Variants in EFHD1 observed in about 807,000 individuals in gnomAD.
EFHD1 encodes the protein EF-hand domain-containing protein D1.
EFHD1 carries 10 observed loss-of-function variants against 17.2 expected under a neutral mutation model. The observed-to-expected ratio is 0.58, with a 90% CI of 0.36 to 0.99. The LOEUF (loss-of-function observed/expected upper bound fraction) is 0.99, where lower values mean the gene tolerates loss of function less well. Ranked by LOEUF, EFHD1 falls within the 50% of genes least tolerant of loss-of-function variation. EFHD1 has a pLI of 0.01. For synonymous variants in EFHD1, 153 were observed against 142.0 expected, an observed-to-expected ratio of 1.08 and a Z score of -0.55; for missense variants, 310 against 327.5, an observed-to-expected ratio of 0.95 and a Z score of 0.41.
intron 1 of EFHD1, among the ~76,000 whole-genome samples, chr2:232,649,262 G>C (rs957807287): frequency 6.6e-6 from 1 of 152,192 alleles, no homozygotes; most frequent in Non-Finnish European, 1.5e-5. Context: ...TGGCGGATCT[G>C]GGGGCTTTCC....
intron 1 of EFHD1, chr2:232,638,485 G>A (rs1029438571): frequency 7.9e-5 from 37 of 470,804 alleles, no homozygotes; most frequent in Non-Finnish European, 1.5e-4. Flanking sequence ...ACCCAAAAAG[G>A]TGAGGCTGTC....
At position 232,643,829 on chromosome 2, in the gene EFHD1, C is replaced by T. The variant is rs115131697; in HGVS notation, c.302+9823C>T. On this transcript the variant is annotated intron_variant, in intron 1 of 3. Coordinates refer to ENST00000264059, the MANE Select transcript of EFHD1 (RefSeq NM_025202.4). ...CTCCTGAGTAGCTGGGATTATAGGG[C>T]GTGCTACCACGCCCAGCTCATCTGT... is the stretch of plus-strand genomic sequence containing the variant. 7.7e-3 allele frequency among the ~76,000 whole-genome samples: 1,171 copies of T among 152,180 alleles called. 16 individuals carry two copies. Among genetic ancestry groups the T allele is most frequent in the African/African-American group, 0.027 (1,126 of 41,524 alleles).
At chr2:232,613,807 TAC>T (rs201219253) in intron 1 of EFHD1, among the ~76,000 whole-genome samples, 3,834 of 125,720 alleles carry the variant, frequency 0.03, 162 homozygotes, top group African/African-American at 0.11. Flanking sequence ...CACAAAAATA[TAC>T]ACACATATAC....
At chr2:232,618,485 G>A (rs1337305186) in intron 1 of EFHD1, among the ~76,000 whole-genome samples, 1 of 152,044 alleles carries the variant, frequency 6.6e-6, no homozygotes, top group Admixed American at 6.6e-5. Flanking sequence ...AACTTTGGGA[G>A]GCCAAGGCAG....
At position 232,681,679 on chromosome 2, in the gene EFHD1, A is replaced by G. The variant is rs777000080; in HGVS notation, c.680A>G (p.Gln227Arg). The change falls in exon 4 of 4, where the codon CAG becomes CGG. Residue 227 changes from glutamine to arginine, a missense_variant. Physicochemically the swap from Gln to Arg is conservative, Grantham distance 43. Transcript: ENST00000264059. Reference protein sequence around the residue: ...KREEEERRLRQAAFQKLKANF... With the variant: ...KREEEERRLRRAAFQKLKANF... ...GAGGAGGAGGAGAGGCGGCTCCGCC[A>G]GGCAGCCTTCCAGAAACTCAAGGCC... The G allele has an allele frequency of 1.2e-4, 193 of 1,614,132 alleles. 3 individuals are homozygous for G. The Admixed American group carries it at 3.1e-3, about 26-fold the overall frequency.
At chr2:232,609,054 CTTTTTTTTTTT>C (rs1244427931) in intron 1 of EFHD1, among the ~76,000 whole-genome samples, 7 of 82,264 alleles carry the variant, frequency 8.5e-5, no homozygotes, top group African/African-American at 3.1e-4. Context: ...TGCATAAGTT[CTTTTTTTTTTT>C]TTTTTTTTTT....
At chr2:232,614,284 A>G (rs1214045490) in intron 1 of EFHD1, among the ~76,000 whole-genome samples, 1 of 152,070 alleles carries the variant, frequency 6.6e-6, no homozygotes, top group Non-Finnish European at 1.5e-5. Context: ...TTTTTTCAGT[A>G]AAAGTGACCC....
intron 1 of EFHD1, among the ~76,000 whole-genome samples, chr2:232,608,705 C>T (rs560921564): frequency 1.3e-5 from 2 of 151,784 alleles, no homozygotes; most frequent in South Asian, 2.1e-4. Context: ...CGGAGGCGGG[C>T]GGAAAATGAG....
intron 1 of EFHD1, among the ~76,000 whole-genome samples, chr2:232,650,291 CTTTTTTTTT>C (rs869070386): frequency 7.9e-6 from 1 of 126,774 alleles, no homozygotes; most frequent in Non-Finnish European, 1.7e-5. Context: ...TCTGGGTTGC[CTTTTTTTTT>C]TTTTTTTTTT....
At chr2:232,608,157 G>C (rs1372906365) in intron 1 of EFHD1, among the ~76,000 whole-genome samples, 1 of 152,038 alleles carries the variant, frequency 6.6e-6, no homozygotes, top group African/African-American at 2.4e-5. Context: ...TTCACTTGAA[G>C]TCAGGAGTTC....
exon 1 of EFHD1, chr2:232,606,169 T>C: frequency 6.5e-7 from 1 of 1,546,172 alleles, no homozygotes; most frequent in Non-Finnish European, 8.7e-7. Flanking sequence ...GATGGGAGAG[T>C]TGCAGTAAGT....
intron 1 of EFHD1, among the ~76,000 whole-genome samples, chr2:232,661,147 C>CAAA (rs747919733): frequency 8.3e-6 from 1 of 119,778 alleles, no homozygotes; most frequent in African/African-American, 2.7e-5. Context: ...GACTCTGTCT[C>CAAA]AAAAAAAAAA....
chr2:232,629,550 C>A (rs1364511160), upstream of EFHD1, among the ~76,000 whole-genome samples: 1 of 151,336 alleles, frequency 6.6e-6, no homozygotes, highest in Non-Finnish European at 1.5e-5. Flanking sequence ...CTCACTGCAA[C>A]CTCCGCCTCC....
chr2:232,628,598 C>T (rs188085710), intron 1 of EFHD1, among the ~76,000 whole-genome samples: 42 of 152,240 alleles, frequency 2.8e-4, no homozygotes, highest in African/African-American at 9.2e-4. Context: ...CTCAGAGGCC[C>T]GTACTGACCT....
At chr2:232,650,001 G>A (rs1054856343) in intron 1 of EFHD1, 1 of 152,330 alleles carries the variant, frequency 6.6e-6, no homozygotes, top group Admixed American at 6.5e-5. Flanking sequence ...GGTGGGGTTA[G>A]GGGGGATCAC....
intron 1 of EFHD1, among the ~76,000 whole-genome samples, chr2:232,637,707 C>G (rs1340049675): frequency 6.6e-6 from 1 of 152,042 alleles, no homozygotes; most frequent in African/African-American, 2.4e-5. Context: ...TTCGTTGGGC[C>G]CCTTGCAGTA....
At chr2:232,647,708 C>T (rs969066320) in intron 1 of EFHD1, among the ~76,000 whole-genome samples, 9 of 147,656 alleles carry the variant, frequency 6.1e-5, no homozygotes, top group African/African-American at 2.3e-4. Flanking sequence ...ATGATCTCGG[C>T]TCACTGAAAC....
upstream of EFHD1, chr2:232,633,374 T>C (rs1694239753): frequency 6.5e-6 from 6 of 923,360 alleles, no homozygotes; most frequent in South Asian, 2.7e-4. Context: ...GATCCGAGGG[T>C]CCCTGCCTGG....
chr2:232,634,015 C>G lies in EFHD1; in HGVS notation c.302+9C>G. On this transcript the variant is annotated intron_variant, in intron 1 of 3. Coordinates refer to ENST00000264059, the MANE Select transcript of EFHD1 (RefSeq NM_025202.4). ...GAGAGCATGTTCAAACTGTGAGCTC[C>G]CGCTGCGCGCCCTTCGCCCCCGGGA... 6.3e-7 allele frequency: 1 copy of G among 1,596,908 alleles called. No homozygotes were observed. The highest frequency in any genetic ancestry group is 8.5e-7 in the Non-Finnish European group (1 of 1,179,190).
Sources: gnomAD v4.1 joint callset for allele counts (sites outside exome capture counted in the v4.1 genomes callset) on GRCh38, gnomAD v4.1.1 for gene constraint, MANE v1.5 for transcripts, NCBI Gene and HGNC (gene_info 2026-07-23, HGNC 2026-07-21) for gene names.